The following SRGAP1 variants were observed in gnomAD, a reference collection of about 807,000 sequenced individuals.
The protein encoded by SRGAP1 is SLIT-ROBO Rho GTPase-activating protein 1.
In SRGAP1, 43 loss-of-function variants were observed where a neutral mutation model predicts 121.9. The ratio of observed to expected loss-of-function variants is 0.35; its 90% CI spans 0.28 to 0.46. SRGAP1 has a LOEUF of 0.46. Among genes scored for constraint, SRGAP1 ranks in the 20% least tolerant of loss-of-function variants. The probability of loss-of-function intolerance (pLI) is 1.00; values close to 1 mark genes in which losing one functional copy is unlikely to be tolerated. For synonymous variants in SRGAP1, 447 were observed against 485.4 expected (o/e 0.92, Z 1.04); for missense variants, 1,102 against 1,350.9 (o/e 0.82, Z 2.89).
intron 1 of SRGAP1, among the ~76,000 whole-genome samples, chr12:63,906,522 C>T (rs940423506): frequency 3.7e-4 from 57 of 152,174 alleles, no homozygotes; most frequent in African/African-American, 1.4e-3. Flanking sequence ...ACCGTGTTAG[C>T]CAGGATGGTC....
intron 1 of SRGAP1, among the ~76,000 whole-genome samples, chr12:63,876,274 G>A (rs755904763): frequency 1.3e-5 from 2 of 151,984 alleles, no homozygotes; most frequent in Non-Finnish European, 1.5e-5. Flanking sequence ...CTTACAATCC[G>A]CTTGATGGTG....
chr12:63,941,993 T>C (rs2031883987), intron 1 of SRGAP1, among the ~76,000 whole-genome samples: 1 of 152,184 alleles, frequency 6.6e-6, no homozygotes, highest in African/African-American at 2.4e-5. Flanking sequence ...ATTAGAATTC[T>C]GTTTAAAACA....
intron 18 of SRGAP1, among the ~76,000 whole-genome samples, chr12:64,122,713 C>T (rs2036623214): frequency 1.3e-5 from 2 of 152,140 alleles, no homozygotes; most frequent in African/African-American, 4.8e-5. Flanking sequence ...TCCTGGCCAA[C>T]ATGGTGAAAC....
At chr12:63,946,006 C>A (rs559806080) in intron 1 of SRGAP1, among the ~76,000 whole-genome samples, 27 of 150,688 alleles carry the variant, frequency 1.8e-4, no homozygotes, top group African/African-American at 6.6e-4. Flanking sequence ...CACATACCTT[C>A]CTACCTGGTT....
chr12:63,887,076 G>A (rs570098947), intron 1 of SRGAP1, among the ~76,000 whole-genome samples: 14 of 151,708 alleles, frequency 9.2e-5, no homozygotes, highest in Non-Finnish European at 1.3e-4. Context: ...GTTTCACCAT[G>A]TTGGCCAGGC....
chr12:63,935,339 T>C (rs532462716), intron 1 of SRGAP1, among the ~76,000 whole-genome samples: 14 of 152,224 alleles, frequency 9.2e-5, no homozygotes, highest in Non-Finnish European at 1.8e-4. Context: ...CCATTTATTT[T>C]ATTATAATAT....
At chr12:63,993,282 C>T (rs2033606035) in intron 3 of SRGAP1, among the ~76,000 whole-genome samples, 1 of 152,038 alleles carries the variant, frequency 6.6e-6, no homozygotes, top group Admixed American at 6.6e-5. Flanking sequence ...ATTACCTTGA[C>T]CAGCAAGATA....
intron 12 of SRGAP1, among the ~76,000 whole-genome samples, chr12:64,092,322 A>G (rs2036067744): frequency 6.6e-6 from 1 of 152,190 alleles, no homozygotes; most frequent in Non-Finnish European, 1.5e-5. Context: ...GTTTCTGCAA[A>G]CTAAGTTTAT....
rs190129263 is a variant in SRGAP1 at position 64,158,079 on chromosome 12, C to T, written c.*15407C>T. On this transcript the variant is annotated 3_prime_UTR_variant, in exon 22 of 22. Transcript: ENST00000355086. ...TCTTCCTATAATGCAAGAAAAAGAA[C>T]CCAGGGCCGGGCACAGTGGCTCACG... 2 of 152,460 alleles carry T rather than the reference C, an allele frequency of 1.3e-5. No homozygotes were observed. The highest frequency in any genetic ancestry group is 3.9e-4 in the East Asian group (2 of 5,190). The allele number at this position is 152,460 out of a possible 1,614,324, so 9.4% of individuals were successfully genotyped here. A position where few individuals can be genotyped will look rare whatever the true frequency, so the allele number is the denominator to read the frequency against.
chr12:64,153,066 G>A lies in SRGAP1; in HGVS notation c.*10394G>A, dbSNP rs1468030809. On this transcript the variant is annotated 3_prime_UTR_variant, in exon 22 of 22. Transcript: ENST00000355086. ...TAGGAGAAGCATTTTAGATGGGACA[G>A]CTTGAATGCCACCTTGGATGTGGTA... 1.3e-5 allele frequency: 2 copies of A among 151,926 alleles called. No homozygotes were observed. Among genetic ancestry groups the A allele is most frequent in the Non-Finnish European group, 1.5e-5 (1 of 68,018 alleles). 9.4% of individuals were successfully genotyped at this position (151,926 alleles called of 1,614,324 possible). A position where few individuals can be genotyped will look rare whatever the true frequency, so the allele number is the denominator to read the frequency against.
chr12:64,048,321 A>C (rs1171439680), intron 6 of SRGAP1, among the ~76,000 whole-genome samples: 1 of 152,122 alleles, frequency 6.6e-6, no homozygotes, highest in Non-Finnish European at 1.5e-5. Flanking sequence ...GTTGTTGCAA[A>C]TGACAGGATC....
intron 21 of SRGAP1, among the ~76,000 whole-genome samples, chr12:64,133,646 A>G (rs1033106197): frequency 6.6e-6 from 1 of 152,208 alleles, no homozygotes; most frequent in South Asian, 2.1e-4. Context: ...TCAGTAATAT[A>G]GCGGGGTCCT....
chr12:64,021,836 G>T (rs572849690), intron 4 of SRGAP1, among the ~76,000 whole-genome samples: 19 of 152,282 alleles, frequency 1.2e-4, no homozygotes, highest in Non-Finnish European at 2.4e-4. Flanking sequence ...TGATTTAACA[G>T]GTGGAATTCA....
intron 1 of SRGAP1, among the ~76,000 whole-genome samples, chr12:63,955,351 T>C (rs1261641885): frequency 6.6e-6 from 1 of 152,186 alleles, no homozygotes; most frequent in Non-Finnish European, 1.5e-5. Context: ...AAAAACTGCA[T>C]ATATTTATGG....
intron 4 of SRGAP1, among the ~76,000 whole-genome samples, chr12:64,019,481 GA>G (rs963946397): frequency 6.6e-6 from 1 of 152,088 alleles, no homozygotes; most frequent in African/African-American, 2.4e-5. Flanking sequence ...AGCTCCTGGG[GA>G]AAAAATTTAC....
At chr12:63,910,940 T>C (rs1485636713) in intron 1 of SRGAP1, among the ~76,000 whole-genome samples, 1 of 151,962 alleles carries the variant, frequency 6.6e-6, no homozygotes, top group Non-Finnish European at 1.5e-5. Context: ...GTTTTGAGAA[T>C]AGAGGAGAAA....
chr12:64,066,570 G>T (rs1220233845), intron 8 of SRGAP1, among the ~76,000 whole-genome samples: 1 of 152,058 alleles, frequency 6.6e-6, no homozygotes, highest in Non-Finnish European at 1.5e-5. Flanking sequence ...AGATGTTTGA[G>T]CTCTGTGTAT....
intron 1 of SRGAP1, among the ~76,000 whole-genome samples, chr12:63,846,942 A>G (rs770562905): frequency 2.0e-5 from 3 of 152,246 alleles, no homozygotes; most frequent in Admixed American, 1.3e-4. Context: ...CAGCTGTCCA[A>G]TGCAGGGAGA....
chr12:63,943,483 CT>C (rs1043863588), intron 1 of SRGAP1, among the ~76,000 whole-genome samples: 42 of 152,288 alleles, frequency 2.8e-4, no homozygotes, highest in Admixed American at 2.2e-3. Context: ...ACTTTTTACA[CT>C]TAAAGAAATT....
Sources: gnomAD v4.1 joint callset for allele counts (sites outside exome capture counted in the v4.1 genomes callset) on GRCh38, gnomAD v4.1.1 for gene constraint, MANE v1.5 for transcripts, NCBI Gene and HGNC (gene_info 2026-07-23, HGNC 2026-07-21) for gene names.